Variants in ZNF831 observed in about 807,000 individuals in gnomAD.
ZNF831 encodes the protein chromosome 20 open reading frame 174.
Under a neutral mutation model 95.8 loss-of-function variants are expected in ZNF831, and 59 were observed. The observed-to-expected ratio is 0.62, with a 90% CI of 0.50 to 0.77. ZNF831 has a LOEUF of 0.77. Ranked by LOEUF, ZNF831 falls within the 30% of genes least tolerant of loss-of-function variation. The probability of loss-of-function intolerance (pLI) is 0.00; values close to 1 mark genes in which losing one functional copy is unlikely to be tolerated. For synonymous variants in ZNF831, 961 were observed against 925.5 expected (o/e 1.04, Z -0.70); for missense variants, 2,205 against 2,164.0 (o/e 1.02, Z -0.38).
intron 4 of ZNF831, among the ~76,000 whole-genome samples, chr20:59,207,654 C>T (rs1323229031): frequency 6.6e-6 from 1 of 152,194 alleles, no homozygotes; most frequent in Non-Finnish European, 1.5e-5. Context: ...GGGCAAATGG[C>T]TCAACTTCTC....
intron 4 of ZNF831, among the ~76,000 whole-genome samples, chr20:59,243,611 C>CA (rs931236286): frequency 2.0e-5 from 3 of 152,184 alleles, no homozygotes; most frequent in African/African-American, 7.2e-5. Flanking sequence ...CTCATCCACT[C>CA]ACTCCCTCCT....
At chr20:59,155,102 T>A (rs567511807) in intron 2 of ZNF831, among the ~76,000 whole-genome samples, 1 of 152,326 alleles carries the variant, frequency 6.6e-6, no homozygotes, top group South Asian at 2.1e-4. Context: ...TTGAATACAG[T>A]TTCCCTGACA....
rs1426016363 is a variant in ZNF831 at position 59,193,887 on chromosome 20, T to A, written c.2868T>A (p.Ile956=). The A allele has an allele frequency of 4.4e-6, 7 of 1,608,448 alleles. 1 individual carries two copies. The highest frequency in any genetic ancestry group is 1.7e-4 in the Middle Eastern group (1 of 6,022). ...CAGAGACCCCCTTACCACTGCCCAT[T>A]CCCTGGGGACCAAGGCACAGCCAGG... The part of the protein sequence containing the change: ...PQAETPLPLP[I]PWGPRHSQDS... Residue 956 remains isoleucine, a synonymous_variant, in exon 2 of 6, where the codon ATT becomes ATA. Coordinates refer to ENST00000371030, the MANE Select transcript of ZNF831 (RefSeq NM_178457.3).
intron 1 of ZNF831, among the ~76,000 whole-genome samples, chr20:59,180,862 T>C (rs999635699): frequency 6.6e-6 from 1 of 152,248 alleles, no homozygotes; most frequent in African/African-American, 2.4e-5. Context: ...TATAGTAGAA[T>C]GATTTATAAT....
chr20:59,231,970 T>G (rs1986749027), intron 4 of ZNF831, among the ~76,000 whole-genome samples: 2 of 152,234 alleles, frequency 1.3e-5, no homozygotes, highest in African/African-American at 4.8e-5. Context: ...CACCACTGCA[T>G]GAAGTGTCCC....
chr20:59,244,741 G>A (rs1394192434), intron 4 of ZNF831, among the ~76,000 whole-genome samples: 5 of 152,080 alleles, frequency 3.3e-5, no homozygotes, highest in African/African-American at 4.8e-5. Flanking sequence ...TGTAGTAATC[G>A]CCAATTCTTT....
rs1988212107 is a variant in ZNF831 at position 59,256,844 on chromosome 20, G to C, written c.*2101G>C. On this transcript the variant is annotated 3_prime_UTR_variant, in exon 6 of 6. Transcript: ENST00000371030. ...ATCTAATTTTTTCCCCAGAGTTCCA[G>C]ATTTTAGGGTGCAATCATCCAGCCT... 1 of 152,222 alleles carries C rather than the reference G, an allele frequency of 6.6e-6. No individual in the cohort carries two copies. The highest frequency in any genetic ancestry group is 1.5e-5 in the Non-Finnish European group (1 of 68,056). The allele number at this position is 152,222 out of a possible 1,614,324, so 9.4% of individuals were successfully genotyped here.
chr20:59,258,522 T>C lies in ZNF831; in HGVS notation c.*3779T>C, dbSNP rs1988280832. 1 of 152,658 alleles carries C rather than the reference T, an allele frequency of 6.6e-6. No individual in the cohort carries two copies. The highest frequency in any genetic ancestry group is 1.5e-5 in the Non-Finnish European group (1 of 68,046). The allele number at this position is 152,658 out of a possible 1,614,324, so 9.5% of individuals were successfully genotyped here. A position where few individuals can be genotyped will look rare whatever the true frequency, so the allele number is the denominator to read the frequency against. On this transcript the variant is annotated 3_prime_UTR_variant, in exon 6 of 6. Coordinates refer to ENST00000371030, the MANE Select transcript of ZNF831 (RefSeq NM_178457.3). ...GGAAACTGTCATCATTATCGGAATGTGCTGCTGCTCAACTCCCCAGACATA... is the reference window on the plus strand; with the variant it reads ...GGAAACTGTCATCATTATCGGAATGCGCTGCTGCTCAACTCCCCAGACATA...
intron 1 of ZNF831, among the ~76,000 whole-genome samples, chr20:59,189,180 CA>C (rs549960207): frequency 9.7e-5 from 14 of 144,048 alleles, no homozygotes; most frequent in African/African-American, 2.8e-4. Flanking sequence ...GACGCCATCT[CA>C]AAAAAAAAAT....
chr20:59,175,866 T>C (rs946329334), intron 1 of ZNF831, among the ~76,000 whole-genome samples: 2 of 152,256 alleles, frequency 1.3e-5, no homozygotes, highest in Non-Finnish European at 2.9e-5. Flanking sequence ...CTGGGTTTAG[T>C]GACCCTTCTG....
At chr20:59,230,849 A>T (rs1306200465) in intron 4 of ZNF831, among the ~76,000 whole-genome samples, 1 of 152,218 alleles carries the variant, frequency 6.6e-6, no homozygotes, top group Non-Finnish European at 1.5e-5. Context: ...GAAGACTGAA[A>T]ATGCCAATGA....
chr20:59,171,418 C>G (rs943314387), intron 1 of ZNF831, among the ~76,000 whole-genome samples: 1 of 152,208 alleles, frequency 6.6e-6, no homozygotes, highest in African/African-American at 2.4e-5. Context: ...CTGTGCAGCC[C>G]CATGTGTACC....
intron 4 of ZNF831, among the ~76,000 whole-genome samples, chr20:59,209,384 G>C (rs1296055285): frequency 1.3e-5 from 2 of 152,218 alleles, no homozygotes; most frequent in Non-Finnish European, 2.9e-5. Flanking sequence ...AGACAAAAAG[G>C]AGGCTCTTTC....
chr20:59,247,029 GAGGCTTC>G (rs1443002124), intron 4 of ZNF831, among the ~76,000 whole-genome samples: 1 of 152,178 alleles, frequency 6.6e-6, no homozygotes, highest in Non-Finnish European at 1.5e-5. Context: ...TTTTCGTAAA[GAGGCTTC>G]ATAAACAAAA....
At chr20:59,206,559 T>C (rs1383817132) in intron 3 of ZNF831, among the ~76,000 whole-genome samples, 4 of 152,226 alleles carry the variant, frequency 2.6e-5, no homozygotes, top group Admixed American at 6.5e-5. Context: ...ATTTCCATCA[T>C]TGAAGAATAA....
At chr20:59,164,973 C>T (rs568605018) in intron 1 of ZNF831, among the ~76,000 whole-genome samples, 71 of 152,322 alleles carry the variant, frequency 4.7e-4, no homozygotes, top group African/African-American at 1.6e-3. Flanking sequence ...ACAGAATCAA[C>T]GTCAGGGCCA....
Position 59,227,279 on chromosome 20 carries a change from G to T in ZNF831, c.4027+20223G>T, listed in dbSNP as rs537769443. Among the ~76,000 whole-genome samples, 2 of 152,238 alleles carry T rather than the reference G, an allele frequency of 1.3e-5. 1 individual carries two copies. Among genetic ancestry groups the T allele is most frequent in the South Asian group, 4.1e-4 (2 of 4,820 alleles). On this transcript the variant is annotated intron_variant, in intron 4 of 5. Coordinates refer to ENST00000371030, the MANE Select transcript of ZNF831 (RefSeq NM_178457.3). ...ATTGAGAGAGTTCTCTGTAAAATGG[G>T]AGCCTTTGTATGAATTTGATTTTTA...
Position 59,193,371 on chromosome 20 carries a change from G to A in ZNF831, c.2352G>A (p.Lys784=), listed in dbSNP as rs2146582196. 6.2e-7 allele frequency: 1 copy of A among 1,608,622 alleles called. No individual in the cohort carries two copies. The highest frequency in any genetic ancestry group is 8.5e-7 in the Non-Finnish European group (1 of 1,177,260). The change falls in exon 2 of 6, where the codon AAG becomes AAA. Residue 784 remains lysine (K), a synonymous_variant. Transcript: ENST00000371030. Reference sequence around the variant, plus strand: ...CCAGGCCAGTTTGGCCGGACCCCAAGCTGGAAGGAGGTGCCCGAGGTGTGG... The same window carrying A: ...CCAGGCCAGTTTGGCCGGACCCCAAACTGGAAGGAGGTGCCCGAGGTGTGG... ...EAPRPVWPDP[K]LEGGARGVGD...
chr20:59,220,300 CA>C (rs1358549885), intron 4 of ZNF831, among the ~76,000 whole-genome samples: 1 of 152,210 alleles, frequency 6.6e-6, no homozygotes, highest in East Asian at 1.9e-4. Context: ...AGGCAAGACT[CA>C]CTCTCAACAA....
Sources: gnomAD v4.1 joint callset for allele counts (sites outside exome capture counted in the v4.1 genomes callset) on GRCh38, gnomAD v4.1.1 for gene constraint, MANE v1.5 for transcripts, NCBI Gene and HGNC (gene_info 2026-07-23, HGNC 2026-07-21) for gene names.